Variants in TASOR observed in about 807,000 individuals in gnomAD.
TASOR encodes protein TASOR.
Under a neutral mutation model 178.6 loss-of-function variants are expected in TASOR, and 53 were observed. The ratio of observed to expected loss-of-function variants is 0.30; its 90% confidence interval spans 0.24 to 0.37. The LOEUF (loss-of-function observed/expected upper bound fraction) is 0.37, where lower values mean the gene tolerates loss of function less well. Ranked by LOEUF, TASOR falls within the 10% of genes least tolerant of loss-of-function variation. The pLI, the probability that TASOR is intolerant of heterozygous loss-of-function variation, is 1.00. For synonymous variants in TASOR, 713 were observed against 696.2 expected (o/e 1.02, Z -0.38); for missense variants, 1,815 against 1,971.4 (o/e 0.92, Z 1.50).
chr3:56,669,586 C>T, intron 5 of TASOR, 114 bp downstream of exon 5: 2 of 621,972 alleles, frequency 3.2e-6, no homozygotes, highest in Non-Finnish European at 5.5e-6. Flanking sequence ...CTTTAAGTAC[C>T]AAACACTAAC....
Position 56,620,171 on chromosome 3 carries a change from A to C in TASOR, c.*2866T>G. ...GTTTATTGAGTAAAAAAATGCATAC[A>C]TTGGAACGGCAAAACATCAATAAGG... On this transcript the variant is annotated 3_prime_UTR_variant, in exon 24 of 24. Transcript: ENST00000683822. 1 of 209,738 alleles carries C rather than the reference A, an allele frequency of 4.8e-6. No homozygotes were observed. Among genetic ancestry groups the C allele is most frequent in the Non-Finnish European group, 9.5e-6 (1 of 105,306 alleles). The allele number at this position is 209,738 out of a possible 1,614,324, so 13.0% of individuals were successfully genotyped here.
chr3:56,625,077 T>C, intron 21 of TASOR, 71 bp from the exon 22 acceptor site: 1 of 1,485,934 alleles, frequency 6.7e-7, no homozygotes, highest in South Asian at 1.3e-5. Flanking sequence ...CTGCTTTAGA[T>C]TAAAATTCAA....
At chr3:56,655,163 G>A (rs923965185) in intron 11 of TASOR, among the ~76,000 whole-genome samples, 7 of 152,134 alleles carry the variant, frequency 4.6e-5, no homozygotes, top group Non-Finnish European at 8.8e-5. Flanking sequence ...AAAAACTACT[G>A]TGGACTTCCT....
rs115326560 is a variant in TASOR at position 56,652,431 on chromosome 3, G to A, written c.1369-3374C>T. Among the ~76,000 whole-genome samples, 719 of 151,992 alleles carry A rather than the reference G, an allele frequency of 4.7e-3. 3 individuals carry two copies. Among genetic ancestry groups the A allele is most frequent in the African/African-American group, 0.016 (681 of 41,438 alleles). Reference sequence around the variant, plus strand: ...CAGGCAGGTGTGGTGGTACGCACCTGTAGCCCCAGCTACCCAGGAGGATGA... The same window carrying A: ...CAGGCAGGTGTGGTGGTACGCACCTATAGCCCCAGCTACCCAGGAGGATGA... On this transcript the variant is annotated intron_variant, in intron 11 of 23. Coordinates refer to ENST00000683822, the MANE Select transcript of TASOR (RefSeq NM_001365635.2).
In TASOR at chr3:56,623,570, C is replaced by T; in HGVS notation, c.4484-4G>A. On this transcript the variant is annotated splice_polypyrimidine_tract_variant and splice_region_variant and intron_variant, in intron 23 of 23. Transcript: ENST00000683822. ...TTTTCATCGTTTTCTAAAAGAGCTA[C>T]ATTTAAAAAACAAAAAGTCCTCCTC... is the stretch of plus-strand genomic sequence containing the variant. 1 of 1,559,480 alleles carries T rather than the reference C, an allele frequency of 6.4e-7. No individual in the cohort carries two copies.
At chr3:56,677,743 T>A (rs2031437102) in intron 1 of TASOR, among the ~76,000 whole-genome samples, 1 of 152,176 alleles carries the variant, frequency 6.6e-6, no homozygotes, top group Non-Finnish European at 1.5e-5. Flanking sequence ...AGAATTTCGT[T>A]CTAATACTGC....
intron 1 of TASOR, among the ~76,000 whole-genome samples, chr3:56,674,868 G>T (rs1296124432): frequency 6.6e-6 from 1 of 152,142 alleles, no homozygotes. Context: ...ACCCAGGCTG[G>T]AGTGCAGTGA....
chr3:56,652,307 C>G lies in TASOR; in HGVS notation c.1369-3250G>C, dbSNP rs776035259. 2.6e-5 allele frequency among the ~76,000 whole-genome samples: 4 copies of G among 152,136 alleles called. No individual in the cohort carries two copies. In the South Asian group the frequency reaches 6.2e-4, roughly 24 times the overall value. On this transcript the variant is annotated intron_variant, in intron 11 of 23. Coordinates refer to ENST00000683822, the MANE Select transcript of TASOR (RefSeq NM_001365635.2). ...TTAAAATGGCTAAAATGGCTGGGCA[C>G]GGTGGTGCACACCTGTAATCCCAGC... is the stretch of plus-strand genomic sequence containing the variant.
intron 3 of TASOR, 47 bp downstream of exon 3, chr3:56,671,553 C>T (rs1416695658): frequency 7.4e-7 from 1 of 1,351,088 alleles, no homozygotes; most frequent in Admixed American, 2.2e-5. Context: ...TAGTAACTTA[C>T]AATGGAAACA....
At chr3:56,634,516 G>T (rs2076978397) in intron 17 of TASOR, among the ~76,000 whole-genome samples, 2 of 152,162 alleles carry the variant, frequency 1.3e-5, no homozygotes, top group Admixed American at 1.3e-4. Context: ...CACTTACGAG[G>T]TTGCTAAGTA....
chr3:56,679,745 C>T (rs1014146435), intron 1 of TASOR, among the ~76,000 whole-genome samples: 1 of 152,120 alleles, frequency 6.6e-6, no homozygotes, highest in African/African-American at 2.4e-5. Flanking sequence ...ACATCAAATG[C>T]AATTACCAAT....
Position 56,622,950 on chromosome 3 carries a change from G to C in TASOR, c.*87C>G, listed in dbSNP as rs1011764055. 7 of 883,566 alleles carry C rather than the reference G, an allele frequency of 7.9e-6. No homozygotes were observed. The African/African-American group carries it at 8.7e-5, about 11-fold the overall frequency. 54.7% of individuals were successfully genotyped at this position (883,566 alleles called of 1,614,324 possible). On this transcript the variant is annotated 3_prime_UTR_variant, in exon 24 of 24. Transcript: ENST00000683822. ...AATAAAAGAAAAAACATTTGAGAAAGAACAAGAACCTTTTGTTTAGAGAAT... is the reference window on the plus strand; with the variant it reads ...AATAAAAGAAAAAACATTTGAGAAACAACAAGAACCTTTTGTTTAGAGAAT...
Position 56,647,111 on chromosome 3 carries a change from G to T in TASOR, c.1626C>A (p.Phe542Leu), listed in dbSNP as rs2077251967. 1.9e-6 allele frequency: 3 copies of T among 1,606,374 alleles called. No individual in the cohort carries two copies. Among genetic ancestry groups the T allele is most frequent in the East Asian group, 2.2e-5 (1 of 44,804 alleles). ...GAAAATTTATGGCGCTTATATTTTT[G>T]AATTCCTTTCGACACTGAATCAAAG... The part of the protein sequence containing the change: ...QFSLIQCRKE[F>L]KNISAINFHS... Residue 542 changes from phenylalanine (F) to leucine (L), a missense_variant, in exon 14 of 24, where the codon TTC becomes TTA. Physicochemically the swap from Phe to Leu is conservative, Grantham distance 22. Around this residue, in one of 5 missense-constraint regions of TASOR, gnomAD observed 504 missense variants for 645.3 expected, o/e 0.78. Transcript: ENST00000683822.
chr3:56,628,922 C>A, intron 18 of TASOR: 1 of 171,058 alleles, frequency 5.8e-6, no homozygotes, highest in East Asian at 1.5e-4. Context: ...ACCACCATAC[C>A]AGGCTAATTT....
At position 56,624,468 on chromosome 3, in the gene TASOR, T is replaced by C. The variant is rs2076755999; in HGVS notation, c.4483+11A>G. ...CTGCGTTAAAGAAAATGAAAACCACTGAAAAGTTACCTGACTGCGACTCAA... is the reference window on the plus strand; with the variant it reads ...CTGCGTTAAAGAAAATGAAAACCACCGAAAAGTTACCTGACTGCGACTCAA... On this transcript the variant is annotated intron_variant, in intron 23 of 23. Coordinates refer to ENST00000683822, the MANE Select transcript of TASOR (RefSeq NM_001365635.2). The C allele has an allele frequency of 1.2e-6, 2 of 1,608,794 alleles. No homozygotes were observed. Among genetic ancestry groups the C allele is most frequent in the South Asian group, 1.1e-5 (1 of 90,192 alleles).
At chr3:56,662,009 A>G (rs900744690) in intron 9 of TASOR, among the ~76,000 whole-genome samples, 1 of 151,974 alleles carries the variant, frequency 6.6e-6, no homozygotes, top group African/African-American at 2.4e-5. Context: ...AGGACCCTGT[A>G]ATCCCAGCTA....
rs1250125274 is a variant in TASOR at position 56,682,974 on chromosome 3, C to T, written c.33G>A (p.Gln11=). The part of the protein sequence containing the change: MATAVETEAC[Q]PTDASWESGG... ...CACTTTCCCAACTCGCATCCGTCGG[C>T]TGACAGGCCTCCGTCTCCACAGCAG... The change falls in exon 1 of 24, where the codon CAG becomes CAA. Residue 11 remains glutamine (Q), a synonymous_variant. Coordinates refer to ENST00000683822, the MANE Select transcript of TASOR (RefSeq NM_001365635.2). The T allele has an allele frequency of 1.9e-6, 3 of 1,549,060 alleles. No homozygotes were observed. Among genetic ancestry groups the T allele is most frequent in the African/African-American group, 2.7e-5 (2 of 73,140 alleles).
intron 21 of TASOR, among the ~76,000 whole-genome samples, chr3:56,625,304 T>A (rs1421870319): frequency 6.6e-6 from 1 of 152,242 alleles, no homozygotes; most frequent in Non-Finnish European, 1.5e-5. Context: ...TTTTGAACTT[T>A]AATGAAGGAC....
intron 11 of TASOR, among the ~76,000 whole-genome samples, chr3:56,656,375 G>A (rs1179901434): frequency 6.6e-6 from 1 of 151,722 alleles, no homozygotes; most frequent in African/African-American, 2.4e-5. Context: ...ATCACTTGAG[G>A]TCAAGAGTTC....
Sources: allele counts gnomAD v4.1 joint callset (sites outside exome capture counted in the v4.1 genomes callset), GRCh38; gene constraint gnomAD v4.1.1; regional missense constraint gnomAD v4.1.1; transcripts MANE v1.5; gene names NCBI Gene and HGNC (gene_info 2026-07-23, HGNC 2026-07-21).